KRIT1: variants seen among roughly 807,000 people sequenced by gnomAD.
KRIT1 encodes the protein krev interaction trapped protein 1.
Under a neutral mutation model 95.8 loss-of-function variants are expected in KRIT1, and 45 were observed. That is an observed-to-expected ratio of 0.47 (90% CI 0.37 to 0.60). The LOEUF is 0.60. KRIT1 is among the 20% of genes least tolerant of loss of function. The pLI is 0.00. For missense variants in KRIT1, 788 were observed against 877.5 expected (o/e 0.90, Z 1.29); for synonymous variants, 282 against 278.8 (o/e 1.01, Z -0.11).
Position 92,213,367 on chromosome 7 carries a change from A to G in KRIT1, c.1853T>C (p.Met618Thr). The G allele has an allele frequency of 6.2e-7, 1 of 1,612,764 alleles. No homozygotes were observed. Among genetic ancestry groups the G allele is most frequent in the East Asian group, 2.2e-5 (1 of 44,828 alleles). Residue 618 changes from methionine to threonine, a missense_variant, in exon 17 of 19, where the codon ATG becomes ACG. Around this residue, in one of 3 missense-constraint regions of KRIT1, gnomAD observed 493 missense variants for 582.3 expected, o/e 0.85. Transcript: ENST00000394505. ...LSTSEGVSKE[M>T]HHLQRMFLQN... ...TAAGAACATGCGCTGAAGGTGATGC[A>G]TTTCTTTACTGACACCTTCACTTGT... is the stretch of plus-strand genomic sequence containing the variant.
chr7:92,217,748 T>C (rs1366615512), intron 14 of KRIT1, among the ~76,000 whole-genome samples: 1 of 152,320 alleles, frequency 6.6e-6, no homozygotes, highest in East Asian at 1.9e-4. Context: ...GTTTGAGTCC[T>C]TGTTTTCAAT....
At chr7:92,233,407 T>A (rs1165924972) in intron 10 of KRIT1, among the ~76,000 whole-genome samples, 1 of 140,832 alleles carries the variant, frequency 7.1e-6, no homozygotes, top group Non-Finnish European at 1.6e-5. Flanking sequence ...AATAATGTGG[T>A]ACTTTTTTTT....
intron 14 of KRIT1, among the ~76,000 whole-genome samples, chr7:92,218,583 T>C (rs540739352): frequency 1.3e-5 from 2 of 152,144 alleles, no homozygotes; most frequent in Non-Finnish European, 2.9e-5. Context: ...TCTCACTATG[T>C]TGCCCAGGCA....
At chr7:92,245,969 C>CT (rs1800921189), upstream of KRIT1, 1 of 242,754 alleles carries the variant, frequency 4.1e-6, no homozygotes, top group African/African-American at 2.4e-5. Flanking sequence ...GGTGAAAGAG[C>CT]TTCCGGGTCG....
intron 17 of KRIT1, among the ~76,000 whole-genome samples, chr7:92,204,267 A>C (rs1184206997): frequency 6.6e-6 from 1 of 151,258 alleles, no homozygotes; most frequent in Non-Finnish European, 1.5e-5. Context: ...TCCCAAGGAA[A>C]AAAAAAAAAG....
At chr7:92,214,822 T>C (rs778988608) in intron 14 of KRIT1, 45 bp from the exon 15 acceptor site, 31 of 1,318,696 alleles carry the variant, frequency 2.4e-5, no homozygotes, top group Non-Finnish European at 3.4e-5. Context: ...ACAATTTCTT[T>C]TTACAAATGA....
chr7:92,233,208 T>C (rs941580834), intron 10 of KRIT1, among the ~76,000 whole-genome samples: 2 of 151,330 alleles, frequency 1.3e-5, no homozygotes, highest in African/African-American at 4.9e-5. Flanking sequence ...ATAAAGCAAC[T>C]ATAGTTAACT....
intron 14 of KRIT1, among the ~76,000 whole-genome samples, chr7:92,218,974 A>T (rs1184743435): frequency 6.6e-6 from 1 of 152,016 alleles, no homozygotes; most frequent in Admixed American, 6.6e-5. Context: ...TTTAGCACTT[A>T]TATTTAGGTC....
At chr7:92,237,879 T>A in intron 5 of KRIT1, 120 bp from the exon 6 acceptor site, 2 of 637,872 alleles carry the variant, frequency 3.1e-6, no homozygotes, top group Non-Finnish European at 2.8e-6. Context: ...TGAAATATAC[T>A]AAGTCAATTT....
At chr7:92,207,113 TAA>T (rs1051314919) in intron 17 of KRIT1, among the ~76,000 whole-genome samples, 1 of 152,078 alleles carries the variant, frequency 6.6e-6, no homozygotes, top group African/African-American at 2.4e-5. Flanking sequence ...GAAAACTCCC[TAA>T]GTCTTGTAAG....
At chr7:92,233,121 A>G (rs1180761766) in intron 10 of KRIT1, among the ~76,000 whole-genome samples, 2 of 151,960 alleles carry the variant, frequency 1.3e-5, no homozygotes, top group African/African-American at 4.8e-5. Flanking sequence ...TAAGAAATAT[A>G]AGAGCATATT....
chr7:92,214,333 CT>C (rs1221491488), intron 15 of KRIT1, among the ~76,000 whole-genome samples: 3 of 151,950 alleles, frequency 2.0e-5, no homozygotes, highest in Non-Finnish European at 4.4e-5. Flanking sequence ...TGTTTTACTA[CT>C]TATTCGAGTC....
intron 2 of KRIT1, 58 bp downstream of exon 2, chr7:92,244,844 A>G (rs892494558): frequency 3.2e-4 from 48 of 152,166 alleles, no homozygotes; most frequent in African/African-American, 1.1e-3. Flanking sequence ...TCCCTAAGTA[A>G]TAAGATCTTA....
At chr7:92,234,996 A>C (rs1345438827) in intron 8 of KRIT1, 73 bp from the exon 9 acceptor site, 3 of 774,214 alleles carry the variant, frequency 3.9e-6, no homozygotes. Flanking sequence ...TTATATTTTA[A>C]ATTTTTACTT....
chr7:92,202,286 AATTG>A (rs1411665649), intron 17 of KRIT1: 4 of 152,224 alleles, frequency 2.6e-5, no homozygotes, highest in African/African-American at 9.7e-5. Context: ...GAAGAACTGT[AATTG>A]ATTGTGATCA....
chr7:92,239,512 T>C (rs1799139402), intron 5 of KRIT1, among the ~76,000 whole-genome samples: 1 of 152,182 alleles, frequency 6.6e-6, no homozygotes, highest in Non-Finnish European at 1.5e-5. Context: ...CTGAGGTAGA[T>C]AAGACTGACC....
At position 92,213,189 on chromosome 7, in the gene KRIT1, A is replaced by G; in HGVS notation, c.2025+6T>C. The stretch of plus-strand genomic sequence containing the variant: ...CATGATTGGTAAAAAAGAGCTGAAA[A>G]TCTACCTTAGTTTCCATGTTGAGGA... On this transcript the variant is annotated splice_donor_region_variant and intron_variant, in intron 17 of 18. Coordinates refer to ENST00000394505, the MANE Select transcript of KRIT1 (RefSeq NM_194454.3). 1 of 1,591,552 alleles carries G rather than the reference A, an allele frequency of 6.3e-7. No individual in the cohort carries two copies. The highest frequency in any genetic ancestry group is 8.6e-7 in the Non-Finnish European group (1 of 1,159,900).
rs1229032417 is a variant in KRIT1 at position 92,199,452 on chromosome 7, T to C, written c.*1284A>G. Reference sequence around the variant, plus strand: ...TCAGTTTATTAGTTTGGAAAAACTGTAGTTTCTAGCTTATGAATAGCACAT... The same window carrying C: ...TCAGTTTATTAGTTTGGAAAAACTGCAGTTTCTAGCTTATGAATAGCACAT... On this transcript the variant is annotated 3_prime_UTR_variant, in exon 19 of 19. Coordinates refer to ENST00000394505, the MANE Select transcript of KRIT1 (RefSeq NM_194454.3). 1 of 152,208 alleles carries C rather than the reference T, an allele frequency of 6.6e-6. No individual in the cohort carries two copies. Among genetic ancestry groups the C allele is most frequent in the African/African-American group, 2.4e-5 (1 of 41,454 alleles). The allele number at this position is 152,208 out of a possible 1,614,324, so 9.4% of individuals were successfully genotyped here.
At chr7:92,202,816 G>A (rs1790506478) in intron 17 of KRIT1, among the ~76,000 whole-genome samples, 1 of 152,102 alleles carries the variant, frequency 6.6e-6, no homozygotes, top group Non-Finnish European at 1.5e-5. Context: ...AAAACTAATA[G>A]TATCTTTTAA....
Sources: gnomAD v4.1 joint callset for allele counts (sites outside exome capture counted in the v4.1 genomes callset) on GRCh38, gnomAD v4.1.1 for gene constraint, gnomAD v4.1.1 regional missense constraint, MANE v1.5 for transcripts, NCBI Gene and HGNC (gene_info 2026-07-23, HGNC 2026-07-21) for gene names.